KLRG1: variants seen among roughly 807,000 people sequenced by gnomAD.
KLRG1 encodes the protein killer cell lectin like receptor G1.
KLRG1 carries 16 observed loss-of-function variants against 21.8 expected under a neutral mutation model. The observed-to-expected ratio is 0.73, with a 90% CI of 0.50 to 1.11. The LOEUF is 1.11. Ranked by LOEUF, KLRG1 falls within the 50% of genes most tolerant of loss-of-function variation. KLRG1 has a pLI of 0.00. For missense variants in KLRG1, 173 were observed against 218.3 expected (o/e 0.79, Z 1.31); for synonymous variants, 69 against 75.9 (o/e 0.91, Z 0.47).
At chr12:9,105,410 A>T in the KLRG1 span, among the ~76,000 whole-genome samples, 1 of 152,238 alleles carries the variant, frequency 6.6e-6, no homozygotes, top group Non-Finnish European at 1.5e-5. Context: ...AGGAAGTTGA[A>T]TACATTTTGG....
At chr12:8,976,345 C>A (rs1030163735) in intron 1 of KLRG1, among the ~76,000 whole-genome samples, 3 of 152,074 alleles carry the variant, frequency 2.0e-5, no homozygotes, top group African/African-American at 4.8e-5. Context: ...TGATTTGTAT[C>A]TTCTTATGTT....
chr12:9,129,996 C>G, the KLRG1 span, among the ~76,000 whole-genome samples: 1 of 152,130 alleles, frequency 6.6e-6, no homozygotes, highest in South Asian at 2.1e-4. Context: ...CTTCTCTGTC[C>G]CTGGTAACCA....
intron 1 of KLRG1, among the ~76,000 whole-genome samples, chr12:8,974,053 C>G (rs1279672573): frequency 6.6e-6 from 1 of 152,018 alleles, no homozygotes; most frequent in Non-Finnish European, 1.5e-5. Flanking sequence ...TCTCTAATTG[C>G]TCTGGCTAGG....
chr12:9,019,667 C>T, the KLRG1 span, among the ~76,000 whole-genome samples: 3 of 152,152 alleles, frequency 2.0e-5, no homozygotes, highest in African/African-American at 4.8e-5. Flanking sequence ...TCCGTACTCC[C>T]ATCTTCCCCA....
the KLRG1 span, among the ~76,000 whole-genome samples, chr12:9,144,090 G>T: frequency 6.6e-6 from 1 of 152,190 alleles, no homozygotes; most frequent in African/African-American, 2.4e-5. Flanking sequence ...CTTACCAGTT[G>T]GCTGGATTAG....
rs763707573 is a variant in KLRG1, at chr12:9,009,112, A to G, written c.458+37A>G. The stretch of plus-strand genomic sequence containing the variant: ...CAAAGGAATGCAAAAAAAGAGAGAG[A>G]GGAAAAAGGAAAGCCAAATTATGAT... On this transcript the variant is annotated intron_variant, in intron 4 of 4. Coordinates refer to ENST00000356986, the MANE Select transcript of KLRG1 (RefSeq NM_005810.4). 7.3e-6 allele frequency: 11 copies of G among 1,503,176 alleles called. No homozygotes were observed. The African/African-American group carries it at 9.7e-5, about 13-fold the overall frequency. 93.1% of individuals were successfully genotyped at this position (1,503,176 alleles called of 1,614,324 possible).
the KLRG1 span, among the ~76,000 whole-genome samples, chr12:9,087,626 T>C: frequency 2.0e-5 from 3 of 152,150 alleles, no homozygotes; most frequent in Non-Finnish European, 4.4e-5. Context: ...GTGTATTTTA[T>C]GTTTCAAACT....
the KLRG1 span, among the ~76,000 whole-genome samples, chr12:9,142,864 A>G: frequency 2.6e-5 from 4 of 152,212 alleles, no homozygotes; most frequent in Non-Finnish European, 5.9e-5. Context: ...TTTTTCCCCA[A>G]ATGGGATTTG....
the KLRG1 span, chr12:9,077,344 A>G: frequency 1.2e-6 from 2 of 1,612,394 alleles, no homozygotes; most frequent in Non-Finnish European, 1.7e-6. Context: ...GGTGGTACCT[A>G]CAGTGACTGT....
chr12:8,992,234 C>T lies in KLRG1; in HGVS notation c.111C>T (p.Cys37=), dbSNP rs1388202095. ...KSSSSRPSCS[C]LVAIALGLLT... ...CCTCTTCCAGGCCTTCTTGTTCTTG[C>T]CTTGTGGCAATAGCTTTGGGGCTTC... The change falls in exon 2 of 5, where the codon TGC becomes TGT. Residue 37 remains cysteine (C), a synonymous_variant. Transcript: ENST00000356986. 2 of 1,613,762 alleles carry T rather than the reference C, an allele frequency of 1.2e-6. No individual in the cohort carries two copies. Among genetic ancestry groups the T allele is most frequent in the Admixed American group, 1.7e-5 (1 of 59,964 alleles).
chr12:9,049,798 CAAGT>C, the KLRG1 span, among the ~76,000 whole-genome samples: 4 of 152,112 alleles, frequency 2.6e-5, no homozygotes, highest in Non-Finnish European at 5.9e-5. Flanking sequence ...CAAACAGGAA[CAAGT>C]AAGTGTAGGG....
chr12:9,098,042 A>C, the KLRG1 span, among the ~76,000 whole-genome samples: 8 of 151,964 alleles, frequency 5.3e-5, no homozygotes, highest in Middle Eastern at 3.4e-3. Context: ...TAGTTTGACA[A>C]CTCCTATTAC....
At chr12:8,994,751 TATC>T (rs1383444350) in intron 2 of KLRG1, among the ~76,000 whole-genome samples, 1 of 152,222 alleles carries the variant, frequency 6.6e-6, no homozygotes, top group Non-Finnish European at 1.5e-5. Flanking sequence ...CACAGATGCA[TATC>T]ATATGAATTC....
upstream of KLRG1, chr12:8,989,514 T>C: frequency 1.6e-6 from 1 of 642,204 alleles, no homozygotes; most frequent in Non-Finnish European, 2.7e-6. Flanking sequence ...AAAAATTACT[T>C]CTGCTTTTGT....
At chr12:9,164,754 T>C in the KLRG1 span, among the ~76,000 whole-genome samples, 3 of 152,214 alleles carry the variant, frequency 2.0e-5, no homozygotes, top group Admixed American at 2.0e-4. Context: ...AGATAAGTGC[T>C]ATAAGATAAA....
At chr12:9,200,275 A>G in the KLRG1 span, 2 of 833,844 alleles carry the variant, frequency 2.4e-6, no homozygotes, top group Non-Finnish European at 1.8e-6. Flanking sequence ...AAAAGTGCTG[A>G]GGCAAAGTAA....
the KLRG1 span, among the ~76,000 whole-genome samples, chr12:9,132,886 T>C: frequency 5.9e-5 from 9 of 152,330 alleles, no homozygotes; most frequent in African/African-American, 2.2e-4. Flanking sequence ...GAAACACTAC[T>C]GATCACAAAA....
the KLRG1 span, among the ~76,000 whole-genome samples, chr12:9,211,190 T>G: frequency 6.6e-6 from 1 of 152,108 alleles, no homozygotes; most frequent in Non-Finnish European, 1.5e-5. Flanking sequence ...TAAATAAGCT[T>G]TCTGCTCATT....
the KLRG1 span, chr12:9,152,427 C>T: frequency 4.0e-6 from 3 of 756,356 alleles, no homozygotes; most frequent in Admixed American, 4.3e-5. Context: ...TAATATTCTA[C>T]AAAGGTCTGT....
Sources: allele counts gnomAD v4.1 joint callset (sites outside exome capture counted in the v4.1 genomes callset), GRCh38; gene constraint gnomAD v4.1.1; transcripts MANE v1.5; gene names NCBI Gene and HGNC (gene_info 2026-07-23, HGNC 2026-07-21).